The following CDH18 variants were observed in gnomAD, a reference collection of about 807,000 sequenced individuals.
The protein encoded by CDH18 is cadherin 18.
A neutral mutation model predicts 67.9 loss-of-function variants in CDH18; 31 were observed. The observed-to-expected ratio is 0.46, with a 90% confidence interval of 0.34 to 0.62. CDH18 has a LOEUF of 0.62. Ranked by LOEUF, CDH18 falls within the 20% of genes least tolerant of loss-of-function variation. CDH18 has a pLI of 0.01. For missense variants in CDH18, 890 were observed against 975.5 expected, an observed-to-expected ratio of 0.91 and a Z score of 1.17; for synonymous variants, 362 against 347.2, an observed-to-expected ratio of 1.04 and a Z score of -0.48.
At chr5:20,460,398 C>CATAAATAAATAA (rs71688150) in intron 1 of CDH18, among the ~76,000 whole-genome samples, 53 of 141,274 alleles carry the variant, frequency 3.8e-4, no homozygotes, top group Non-Finnish European at 5.7e-4. Context: ...TCTCTAAATA[C>CATAAATAAATAA]ATAAATAAAT....
chr5:20,175,617 A>G (rs1350134628), intron 2 of CDH18, among the ~76,000 whole-genome samples: 1 of 152,128 alleles, frequency 6.6e-6, no homozygotes, highest in Non-Finnish European at 1.5e-5. Flanking sequence ...TTGTATTAGT[A>G]AGAGTTCTCT....
intron 2 of CDH18, among the ~76,000 whole-genome samples, chr5:20,171,340 A>G (rs191682564): frequency 5.6e-4 from 85 of 152,268 alleles, no homozygotes; most frequent in African/African-American, 1.8e-3. Context: ...CCAAAAGTGT[A>G]TAAGTGTTCC....
intron 1 of CDH18, among the ~76,000 whole-genome samples, chr5:20,472,677 G>A (rs1314121607): frequency 2.0e-5 from 3 of 152,148 alleles, no homozygotes; most frequent in East Asian, 3.8e-4. Flanking sequence ...ACTGAAAGAC[G>A]GGCAGTGTAT....
At chr5:19,770,246 A>G (rs1358520348) in intron 3 of CDH18, among the ~76,000 whole-genome samples, 1 of 152,140 alleles carries the variant, frequency 6.6e-6, no homozygotes, top group Non-Finnish European at 1.5e-5. Context: ...GGACTTTTTA[A>G]AGAAATTAAC....
intron 9 of CDH18, among the ~76,000 whole-genome samples, chr5:19,534,920 T>G (rs575005174): frequency 3.3e-5 from 5 of 152,136 alleles, no homozygotes; most frequent in African/African-American, 1.2e-4. Context: ...AGCAGTCCTA[T>G]GAAGGAGTCC....
intron 7 of CDH18, among the ~76,000 whole-genome samples, chr5:19,588,437 G>C (rs1744562931): frequency 6.6e-6 from 1 of 151,812 alleles, no homozygotes; most frequent in African/African-American, 2.4e-5. Flanking sequence ...CTTGTTATCG[G>C]CCTAAAAAAC....
intron 3 of CDH18, among the ~76,000 whole-genome samples, chr5:19,779,719 A>G (rs1378145046): frequency 6.6e-6 from 1 of 152,182 alleles, no homozygotes; most frequent in Non-Finnish European, 1.5e-5. Flanking sequence ...ACACAGCTAC[A>G]TAGAAGGCTG....
intron 3 of CDH18, among the ~76,000 whole-genome samples, chr5:19,764,345 A>C (rs145903772): frequency 1.3e-5 from 2 of 152,190 alleles, no homozygotes; most frequent in East Asian, 3.9e-4. Flanking sequence ...AGCTCTGAAG[A>C]ACTACCCATA....
chr5:19,530,384 A>C (rs1748401956), intron 9 of CDH18, among the ~76,000 whole-genome samples: 1 of 152,174 alleles, frequency 6.6e-6, no homozygotes, highest in Non-Finnish European at 1.5e-5. Flanking sequence ...TTCGAAAAAA[A>C]CACAAAAGAA....
intron 1 of CDH18, among the ~76,000 whole-genome samples, chr5:20,551,009 G>C (rs1757604068): frequency 6.6e-6 from 1 of 152,078 alleles, no homozygotes; most frequent in Non-Finnish European, 1.5e-5. Context: ...GAGAATAACA[G>C]AATGAGAACT....
intron 5 of CDH18, among the ~76,000 whole-genome samples, chr5:19,654,551 A>C (rs974868314): frequency 6.6e-6 from 1 of 152,102 alleles, no homozygotes; most frequent in South Asian, 2.1e-4. Context: ...GGAAAGTGCT[A>C]TTGGGCTCCG....
intron 1 of CDH18, among the ~76,000 whole-genome samples, chr5:20,546,528 T>A (rs1305094644): frequency 6.6e-6 from 1 of 152,082 alleles, no homozygotes; most frequent in Admixed American, 6.6e-5. Flanking sequence ...GTAAAGCACA[T>A]CTTATGTGGC....
chr5:19,491,565 T>C lies in CDH18; in HGVS notation c.1631-8013A>G, dbSNP rs990810183. On this transcript the variant is annotated intron_variant, in intron 11 of 12. Coordinates refer to ENST00000382275, the MANE Select transcript of CDH18 (RefSeq NM_004934.5). The stretch of plus-strand genomic sequence containing the variant: ...CTACATACCTGCATTTCCCTACCAA[T>C]GGAGTGTGAAATTTGAAAAGACTCC... Among the ~76,000 whole-genome samples the C allele has an allele frequency of 3.3e-5, 5 of 152,178 alleles. No homozygotes were observed. The South Asian group carries it at 1.0e-3, about 31-fold the overall frequency.
intron 3 of CDH18, chr5:19,804,120 C>CA (rs772336170): frequency 0.018 from 1,255 of 70,372 alleles, 19 homozygotes; most frequent in African/African-American, 0.033. Context: ...GACTTTGTCT[C>CA]AAAAAAAAAA....
chr5:20,011,765 T>C (rs776583160), intron 2 of CDH18, among the ~76,000 whole-genome samples: 16 of 152,172 alleles, frequency 1.1e-4, no homozygotes, highest in Non-Finnish European at 1.9e-4. Context: ...GATTGGCATA[T>C]GTTGACCCAA....
intron 2 of CDH18, among the ~76,000 whole-genome samples, chr5:19,888,608 A>G (rs1472626154): frequency 6.6e-6 from 1 of 152,060 alleles, no homozygotes; most frequent in Admixed American, 6.6e-5. Context: ...GTGGCTTTCT[A>G]ACAGAAAATC....
rs139827895 is a variant in CDH18, at chr5:19,810,778, T to C, written c.228+27981A>G. Among the ~76,000 whole-genome samples the C allele has an allele frequency of 9.2e-3, 1,397 of 152,138 alleles. 10 individuals carry two copies. The highest frequency in any genetic ancestry group is 0.021 in the African/African-American group (890 of 41,484). On this transcript the variant is annotated intron_variant, in intron 3 of 12. Coordinates refer to ENST00000382275, the MANE Select transcript of CDH18 (RefSeq NM_004934.5). ...TGGCTCACACTTGTAATCCTAGCACTTTGAGACTCTGAGGCTGTTGGATCA... is the reference window on the plus strand; with the variant it reads ...TGGCTCACACTTGTAATCCTAGCACCTTGAGACTCTGAGGCTGTTGGATCA...
intron 2 of CDH18, among the ~76,000 whole-genome samples, chr5:19,904,391 GGGAAGAGAAGGGAAGGGAAA>G (rs1389562434): frequency 2.7e-5 from 4 of 146,220 alleles, no homozygotes; most frequent in African/African-American, 1.0e-4. Context: ...GGGGAGGGGA[GGGAAGAGAAGGGAAGGGAAA>G]GGAAGAGAAG....
chr5:19,769,191 A>G (rs1450146702), intron 3 of CDH18, among the ~76,000 whole-genome samples: 2 of 152,134 alleles, frequency 1.3e-5, no homozygotes, highest in Non-Finnish European at 2.9e-5. Flanking sequence ...GAAACCATAA[A>G]TCTACATTCC....
Sources: gnomAD v4.1 joint callset for allele counts (sites outside exome capture counted in the v4.1 genomes callset) on GRCh38, gnomAD v4.1.1 for gene constraint, MANE v1.5 for transcripts, NCBI Gene and HGNC (gene_info 2026-07-23, HGNC 2026-07-21) for gene names.